NTRK3: variants seen among roughly 807,000 people sequenced by gnomAD.
NTRK3 encodes the protein NT-3 growth factor receptor.
NTRK3 carries 24 observed loss-of-function variants against 91.7 expected under a neutral mutation model. The observed-to-expected ratio is 0.26, with a 90% CI of 0.19 to 0.37. The LOEUF (loss-of-function observed/expected upper bound fraction) is 0.37, where lower values mean the gene tolerates loss of function less well. NTRK3 is among the 10% of genes least tolerant of loss of function. NTRK3 has a pLI of 1.00. For synonymous variants in NTRK3, 483 were observed against 404.0 expected, an observed-to-expected ratio of 1.20 and a Z score of -2.34; for missense variants, 880 against 1,068.9, an observed-to-expected ratio of 0.82 and a Z score of 2.46.
At chr15:88,223,118 G>A (rs1460715717) in intron 3 of NTRK3, among the ~76,000 whole-genome samples, 8 of 152,306 alleles carry the variant, frequency 5.3e-5, no homozygotes, top group Admixed American at 2.0e-4. Flanking sequence ...CTCGGGAGGC[G>A]GGTGGGATTG....
At chr15:88,031,382 G>A (rs975118214) in intron 14 of NTRK3, among the ~76,000 whole-genome samples, 2 of 152,184 alleles carry the variant, frequency 1.3e-5, no homozygotes, top group Admixed American at 6.5e-5. Context: ...CCTAGACTGA[G>A]CTTGGACCCA....
intron 17 of NTRK3, chr15:87,926,524 C>T (rs1479256793): frequency 6.6e-6 from 1 of 152,216 alleles, no homozygotes; most frequent in African/African-American, 2.4e-5. Flanking sequence ...TACATTTTCC[C>T]ACCTCACTCT....
At chr15:88,076,405 T>C (rs1323331038) in intron 13 of NTRK3, among the ~76,000 whole-genome samples, 1 of 152,126 alleles carries the variant, frequency 6.6e-6, no homozygotes, top group Non-Finnish European at 1.5e-5. Context: ...CCAAACCATA[T>C]CAGAGCAGAT....
At chr15:88,159,807 G>A (rs2151423488) in intron 5 of NTRK3, among the ~76,000 whole-genome samples, 2 of 152,100 alleles carry the variant, frequency 1.3e-5, no homozygotes, top group East Asian at 3.9e-4. Context: ...CGTGCCCCTG[G>A]CTGGTCCAGG....
intron 17 of NTRK3, among the ~76,000 whole-genome samples, chr15:87,925,251 C>T (rs1365821181): frequency 2.0e-5 from 3 of 152,114 alleles, no homozygotes; most frequent in Admixed American, 2.0e-4. Flanking sequence ...AAATGTGTAA[C>T]AGGAAATTAG....
At chr15:87,977,620 T>C (rs990315295) in intron 14 of NTRK3, 11 of 231,664 alleles carry the variant, frequency 4.7e-5, no homozygotes, top group African/African-American at 2.0e-4. Context: ...CAGGGCACAA[T>C]GGGGAACAGC....
At chr15:87,958,436 C>G (rs1351885584) in intron 14 of NTRK3, among the ~76,000 whole-genome samples, 2 of 152,080 alleles carry the variant, frequency 1.3e-5, no homozygotes, top group East Asian at 3.9e-4. Flanking sequence ...CCCTACTTGG[C>G]ATCTCTGCTT....
intron 3 of NTRK3, among the ~76,000 whole-genome samples, chr15:88,223,762 C>A (rs57522713): frequency 3.9e-5 from 6 of 152,128 alleles, no homozygotes; most frequent in African/African-American, 1.4e-4. Context: ...AAAAACCCTT[C>A]GCACAGTGCT....
chr15:88,150,119 C>T (rs1280812840), intron 5 of NTRK3, among the ~76,000 whole-genome samples: 2 of 152,160 alleles, frequency 1.3e-5, no homozygotes, highest in African/African-American at 4.8e-5. Flanking sequence ...AAAGCTCAGA[C>T]TTATTGAGCC....
chr15:88,161,572 C>T (rs1170149182), intron 5 of NTRK3, among the ~76,000 whole-genome samples: 2 of 152,164 alleles, frequency 1.3e-5, no homozygotes, highest in African/African-American at 4.8e-5. Context: ...ACTGTGTTCC[C>T]TGGACTAACT....
At chr15:87,860,892 G>C (rs991005575) in exon 19 of NTRK3, 1 of 221,672 alleles carries the variant, frequency 4.5e-6, no homozygotes, top group Non-Finnish European at 9.0e-6. Flanking sequence ...ATAAGATCCA[G>C]TTGAAAGCAC....
chr15:88,002,601 G>T (rs141066125), intron 14 of NTRK3, among the ~76,000 whole-genome samples: 33 of 148,716 alleles, frequency 2.2e-4, no homozygotes, highest in African/African-American at 8.2e-4. Flanking sequence ...ACAAACAAAG[G>T]TATACAATTT....
chr15:87,933,178 T>A lies in NTRK3; in HGVS notation c.1723A>T (p.Lys575Ter), dbSNP rs2141957852. 6.2e-7 allele frequency: 1 copy of A among 1,614,140 alleles called. No individual in the cohort carries two copies. The highest frequency in any genetic ancestry group is 8.5e-7 in the Non-Finnish European group (1 of 1,180,006). Residue 575 changes from lysine to a stop codon, truncating the protein, a stop_gained, in exon 16 of 19, where the codon AAG becomes TAG. Transcript: ENST00000394480. LOFTEE classifies it high-confidence loss of function. The stretch of plus-strand genomic sequence containing the variant: ...TTCCGGGCAGCCAGGGTGGGATCCT[T>A]CAGGGCCTAGGAACAATGCAGGACA...
rs2078678828 is a variant in NTRK3 at position 88,032,856 on chromosome 15, C to A, written c.1585+1G>T. The A allele has an allele frequency of 6.2e-7, 1 of 1,613,614 alleles. No homozygotes were observed. Among genetic ancestry groups the A allele is most frequent in the Admixed American group, 1.7e-5 (1 of 59,980 alleles). ...GGAGAGCATTCCATCCCAGTACTTACACGTGTCCGGCTTGTGGCAGTTGTG... is the reference window on the plus strand; with the variant it reads ...GGAGAGCATTCCATCCCAGTACTTAAACGTGTCCGGCTTGTGGCAGTTGTG... On this transcript the variant is annotated splice_donor_variant, in intron 14 of 18. Coordinates refer to ENST00000394480, the Ensembl canonical transcript of NTRK3. LOFTEE classifies it high-confidence loss of function.
intron 17 of NTRK3, among the ~76,000 whole-genome samples, chr15:87,889,670 A>T (rs2065750440): frequency 6.6e-6 from 1 of 152,082 alleles, no homozygotes; most frequent in African/African-American, 2.4e-5. Context: ...GGCCACCTGC[A>T]AAGCCTAAAA....
chr15:88,158,033 C>T (rs972695465), intron 5 of NTRK3, among the ~76,000 whole-genome samples: 1 of 152,204 alleles, frequency 6.6e-6, no homozygotes. Flanking sequence ...GCCGGTCCTA[C>T]CACTGCTGCC....
chr15:87,942,444 G>C (rs1363898621), intron 14 of NTRK3, among the ~76,000 whole-genome samples: 1 of 152,208 alleles, frequency 6.6e-6, no homozygotes, highest in Admixed American at 6.5e-5. Flanking sequence ...CTCCCACTGC[G>C]AGAAAATAGG....
At chr15:87,891,814 TC>T (rs1019221089) in intron 17 of NTRK3, among the ~76,000 whole-genome samples, 1 of 152,090 alleles carries the variant, frequency 6.6e-6, no homozygotes, top group African/African-American at 2.4e-5. Flanking sequence ...CCTCATGTTA[TC>T]CATACACACC....
chr15:87,872,759 A>G, exon 19 of NTRK3: 1 of 232,974 alleles, frequency 4.3e-6, no homozygotes, highest in Non-Finnish European at 8.5e-6. Flanking sequence ...TGCCATTGGT[A>G]ACTTTTCTTC....
Sources: gnomAD v4.1 joint callset for allele counts (sites outside exome capture counted in the v4.1 genomes callset) on GRCh38, gnomAD v4.1.1 for gene constraint, MANE v1.5 for transcripts, NCBI Gene and HGNC (gene_info 2026-07-23, HGNC 2026-07-21) for gene names.